DNAH9: variants seen among roughly 807,000 people sequenced by gnomAD.
DNAH9 encodes the protein dynein axonemal heavy chain 9, also known as DNAH9 variant protein.
A neutral mutation model predicts 471.6 loss-of-function variants in DNAH9; 345 were observed. That is an observed-to-expected ratio of 0.73 (90% CI 0.67 to 0.80). The LOEUF (loss-of-function observed/expected upper bound fraction) is 0.80. Ranked by LOEUF, DNAH9 falls within the 30% of genes least tolerant of loss-of-function variation. The probability of loss-of-function intolerance (pLI) is 0.00; values close to 1 mark genes in which losing one functional copy is unlikely to be tolerated. For synonymous variants in DNAH9, 2,093 were observed against 2,123.6 expected (o/e 0.99, Z 0.40); for missense variants, 5,407 against 5,609.2 (o/e 0.96, Z 1.15).
Position 11,619,744 on chromosome 17 carries a change from G to A in DNAH9, c.1313G>A (p.Arg438Gln), listed in dbSNP as rs114505681. ...WDFQSSLVFV[R>Q]LDGFLGQLHV... ...TTCCAGTCTTCTTTGGTCTTTGTGC[G>A]ATTGGATGGCTTCCTGGGACAACTG... The change falls in exon 6 of 69, where the codon CGA becomes CAA. Residue 438 changes from arginine to glutamine, a missense_variant. By Grantham distance (43) the Arg-to-Gln change is conservative. Around this residue, in one of 3 missense-constraint regions of DNAH9, gnomAD observed 767 missense variants for 692.5 expected, o/e 1.11. Coordinates refer to ENST00000262442, the MANE Select transcript of DNAH9 (RefSeq NM_001372.4). 3.1e-4 allele frequency: 507 copies of A among 1,613,796 alleles called. 2 individuals carry two copies. The African/African-American group carries it at 5.0e-3, about 16-fold the overall frequency.
chr17:11,670,002 TTC>T (rs1402779599), intron 17 of DNAH9, among the ~76,000 whole-genome samples: 1 of 152,180 alleles, frequency 6.6e-6, no homozygotes, highest in Non-Finnish European at 1.5e-5. Flanking sequence ...TTGTTTTGTT[TTC>T]TGTTTCATGT....
intron 65 of DNAH9, among the ~76,000 whole-genome samples, chr17:11,934,432 C>T (rs1231952642): frequency 8.3e-6 from 1 of 120,024 alleles, no homozygotes; most frequent in African/African-American, 2.8e-5. Flanking sequence ...TGTTGACAAA[C>T]CCATTTTTTT....
At chr17:11,740,642 A>C (rs2075419219) in intron 29 of DNAH9, among the ~76,000 whole-genome samples, 1 of 152,234 alleles carries the variant, frequency 6.6e-6, no homozygotes, top group Admixed American at 6.5e-5. Context: ...CAAAATAGTA[A>C]GTACAAACAT....
chr17:11,900,236 C>T (rs914702714), intron 59 of DNAH9, among the ~76,000 whole-genome samples: 2 of 152,078 alleles, frequency 1.3e-5, no homozygotes, highest in Non-Finnish European at 2.9e-5. Context: ...CTTATCTGCA[C>T]CATTGAAGGA....
Position 11,891,926 on chromosome 17 carries a change from C to G in DNAH9, c.11262C>G (p.Tyr3754Ter). 1 of 1,613,854 alleles carries G rather than the reference C, an allele frequency of 6.2e-7. No individual in the cohort carries two copies. The highest frequency in any genetic ancestry group is 1.7e-4 in the Middle Eastern group (1 of 6,058). ...TCTTTGAGTGTGATAAGCTGACCTA[C>G]CTTGCCCAGCTCACCTTTCAGGTAA... ...RGLFECDKLT[Y>*]LAQLTFQILL... Residue 3754 changes from tyrosine to a stop codon, truncating the protein, a stop_gained, in exon 58 of 69, where the codon TAC becomes TAG. Transcript: ENST00000262442. LOFTEE classifies it high-confidence loss of function.
chr17:11,787,193 A>C (rs572778484), intron 41 of DNAH9, among the ~76,000 whole-genome samples: 1 of 152,374 alleles, frequency 6.6e-6, no homozygotes, highest in Non-Finnish European at 1.5e-5. Context: ...ATTTCTGGAC[A>C]GAAAAGTGAA....
chr17:11,862,420 T>C (rs1971888653), intron 50 of DNAH9, among the ~76,000 whole-genome samples: 1 of 130,052 alleles, frequency 7.7e-6, no homozygotes, highest in Non-Finnish European at 1.6e-5. Flanking sequence ...TTGGTTACTG[T>C]AGCCTTGTAG....
intron 61 of DNAH9, among the ~76,000 whole-genome samples, chr17:11,920,035 C>CTTTTTTT (rs1165405913): frequency 0.055 from 7,442 of 135,574 alleles, 337 homozygotes; most frequent in East Asian, 0.15. Flanking sequence ...TAAGTTCTTT[C>CTTTTTTT]TTTTTTTTTT....
intron 30 of DNAH9, among the ~76,000 whole-genome samples, chr17:11,742,951 C>T (rs971900395): frequency 7.9e-5 from 12 of 152,182 alleles, no homozygotes; most frequent in African/African-American, 2.7e-4. Context: ...CTGTTTTCCT[C>T]ATACTACTTT....
intron 14 of DNAH9, among the ~76,000 whole-genome samples, chr17:11,654,232 T>A (rs1262155035): frequency 2.0e-5 from 2 of 98,714 alleles, no homozygotes; most frequent in African/African-American, 3.6e-5. Context: ...GGCGGGCGCC[T>A]GTAGTCCCAG....
At chr17:11,685,621 A>AG (rs1431241519) in intron 19 of DNAH9, among the ~76,000 whole-genome samples, 2 of 151,976 alleles carry the variant, frequency 1.3e-5, no homozygotes, top group Admixed American at 1.3e-4. Flanking sequence ...TTACAGAGAG[A>AG]TTTAGGAGAA....
rs778174837 is a variant in DNAH9, at chr17:11,752,837, G to T, written c.6615G>T (p.Leu2205Phe). ...GGTGTCAGTGGTTCCTTTTAGGATT[G>T]TTCTCTTCCATCATGCGGGAGCTTG... ...NPATGEWKDG[L>F]FSSIMRELAN... The change falls in exon 33 of 69, where the codon TTG becomes TTT. Residue 2205 changes from leucine to phenylalanine, a missense_variant. Coordinates refer to ENST00000262442, the MANE Select transcript of DNAH9 (RefSeq NM_001372.4). 2.5e-6 allele frequency: 4 copies of T among 1,585,792 alleles called. No individual in the cohort carries two copies. Among genetic ancestry groups the T allele is most frequent in the Non-Finnish European group, 3.4e-6 (4 of 1,168,898 alleles).
intron 59 of DNAH9, among the ~76,000 whole-genome samples, chr17:11,900,340 G>A (rs918261690): frequency 2.6e-5 from 4 of 151,714 alleles, no homozygotes; most frequent in East Asian, 1.9e-4. Flanking sequence ...TCATTTCCAC[G>A]GGACAAAAGC....
intron 38 of DNAH9, among the ~76,000 whole-genome samples, chr17:11,778,049 C>T (rs995414087): frequency 2.0e-5 from 3 of 151,880 alleles, no homozygotes; most frequent in Non-Finnish European, 2.9e-5. Context: ...CTTTAGGGCG[C>T]GTACCAGGGA....
chr17:11,674,629 A>G (rs554854624), intron 17 of DNAH9, among the ~76,000 whole-genome samples: 6 of 152,164 alleles, frequency 3.9e-5, no homozygotes, highest in African/African-American at 1.4e-4. Context: ...GGAGTCTACC[A>G]TTTTGTGACC....
intron 66 of DNAH9, among the ~76,000 whole-genome samples, chr17:11,941,726 AGATAGATAGATAGT>A (rs1974918588): frequency 6.6e-6 from 1 of 152,030 alleles, no homozygotes; most frequent in Non-Finnish European, 1.5e-5. Context: ...ATAGATAGAT[AGATAGATAGATAGT>A]GATAGATTAG....
chr17:11,732,832 C>T (rs2063236789), intron 28 of DNAH9, among the ~76,000 whole-genome samples: 1 of 152,126 alleles, frequency 6.6e-6, no homozygotes, highest in African/African-American at 2.4e-5. Flanking sequence ...CTTCCTGGCA[C>T]TTTCTTCTCT....
At chr17:11,818,428 T>TTTAAAA (rs1038528871) in intron 45 of DNAH9, among the ~76,000 whole-genome samples, 3 of 139,896 alleles carry the variant, frequency 2.1e-5, no homozygotes, top group African/African-American at 7.9e-5. Flanking sequence ...ACTCCGTATT[T>TTTAAAA]AAAAAAAAAA....
intron 48 of DNAH9, among the ~76,000 whole-genome samples, chr17:11,829,935 A>G (rs1395526271): frequency 6.6e-6 from 1 of 152,224 alleles, no homozygotes; most frequent in Non-Finnish European, 1.5e-5. Context: ...ACATAGTCAC[A>G]TCAAGTTAAA....
Sources: allele counts gnomAD v4.1 joint callset (sites outside exome capture counted in the v4.1 genomes callset), GRCh38; gene constraint gnomAD v4.1.1; regional missense constraint gnomAD v4.1.1; transcripts MANE v1.5; gene names NCBI Gene and HGNC (gene_info 2026-07-23, HGNC 2026-07-21).